The following NPHP3 variants were observed in gnomAD, a reference collection of about 807,000 sequenced individuals.
NPHP3 encodes the protein nephrocystin-3.
NPHP3 carries 123 observed loss-of-function variants against 171.9 expected under a neutral mutation model. The observed-to-expected ratio is 0.72, with a 90% CI of 0.62 to 0.83. The LOEUF (loss-of-function observed/expected upper bound fraction) is 0.83, where lower values mean the gene tolerates loss of function less well. Ranked by LOEUF, NPHP3 falls within the 40% of genes least tolerant of loss-of-function variation. The pLI, the probability that NPHP3 is intolerant of heterozygous loss-of-function variation, is 0.00. For missense variants in NPHP3, 1,506 were observed against 1,591.9 expected (o/e 0.95, Z 0.92); for synonymous variants, 558 against 579.2 (o/e 0.96, Z 0.52).
intron 17 of NPHP3, among the ~76,000 whole-genome samples, chr3:132,691,595 A>T: frequency 6.6e-6 from 1 of 152,274 alleles, no homozygotes; most frequent in Admixed American, 6.5e-5. Flanking sequence ...AATACACAAT[A>T]AAGAAAGGAA....
Position 132,713,123 on chromosome 3 carries a change from TAC to T in NPHP3, c.1118+1_1118+2del. 7.1e-7 allele frequency: 1 copy of T among 1,404,714 alleles called. No individual in the cohort carries two copies. Among genetic ancestry groups the T allele is most frequent in the Admixed American group, 1.9e-5 (1 of 51,372 alleles). The allele number at this position is 1,404,714 out of a possible 1,614,324, so 87.0% of individuals were successfully genotyped here. A position where few individuals can be genotyped will look rare whatever the true frequency, so the allele number is the denominator to read the frequency against. On this transcript the variant is annotated splice_donor_variant, in intron 6 of 26. Coordinates refer to ENST00000337331, the MANE Select transcript of NPHP3 (RefSeq NM_153240.5). LOFTEE classifies it high-confidence loss of function. ...TAATAAATTACATTTTTTTTCAGCT[TAC>T]CTTGGTAATGTTAAGTGAATAAATA...
chr3:132,701,560 T>C, intron 9 of NPHP3, 27 bp from the exon 10 acceptor site: 1 of 1,457,816 alleles, frequency 6.9e-7, no homozygotes, highest in African/African-American at 1.4e-5. Flanking sequence ...ATTTACATTG[T>C]AAGGAAGCAC....
In NPHP3 at chr3:132,682,755, C is replaced by G. The variant is rs745803931; in HGVS notation, c.3760G>C (p.Gly1254Arg). The G allele has an allele frequency of 6.2e-7, 1 of 1,613,702 alleles. No homozygotes were observed. The highest frequency in any genetic ancestry group is 1.1e-5 in the South Asian group (1 of 91,076). Residue 1254 changes from glycine (G) to arginine (R), a missense_variant, in exon 26 of 27, where the codon GGT (glycine) becomes CGT (arginine). Gly to Arg is a moderately radical substitution (Grantham distance 125). Coordinates refer to ENST00000337331, the MANE Select transcript of NPHP3 (RefSeq NM_153240.5). Reference sequence around the variant, plus strand: ...TCTCCAACTCGAGGATGCATCCGACCCAGGCTATCTTCATAAATCTTTAAT... The same window carrying G: ...TCTCCAACTCGAGGATGCATCCGACGCAGGCTATCTTCATAAATCTTTAAT... ...RALKIYEDSL[G>R]RMHPRVGETL... is the part of the protein sequence containing the mutation.
chr3:132,692,606 C>G, intron 17 of NPHP3, 48 bp downstream of exon 17: 1 of 1,542,970 alleles, frequency 6.5e-7, no homozygotes, highest in Non-Finnish European at 8.9e-7. Context: ...ACAGAGAAGA[C>G]CCTGTTTCTT....
At chr3:132,721,754 T>TCGTGC (rs1940227588) in intron 1 of NPHP3, 1 of 738,272 alleles carries the variant, frequency 1.4e-6, no homozygotes, top group African/African-American at 1.7e-5. Context: ...TGAGCCGCGA[T>TCGTGC]CGTGCCACCG....
intron 18 of NPHP3, 91 bp from the exon 19 acceptor site, chr3:132,690,741 T>C (rs756228453): frequency 2.0e-5 from 26 of 1,278,194 alleles, no homozygotes; most frequent in Non-Finnish European, 2.7e-5. Context: ...AAGAAAAATA[T>C]TTAACATATA....
chr3:132,682,897 G>C, intron 25 of NPHP3, 79 bp from the exon 26 acceptor site: 1 of 855,478 alleles, frequency 1.2e-6, no homozygotes. Context: ...AACCTACTTT[G>C]ATTAGTACTT....
intron 9 of NPHP3, among the ~76,000 whole-genome samples, chr3:132,702,668 C>T (rs2107984047): frequency 6.6e-6 from 1 of 152,264 alleles, no homozygotes; most frequent in East Asian, 1.9e-4. Context: ...TCTCCAGCAA[C>T]TATAATGAAT....
Position 132,712,730 on chromosome 3 carries a change from C to T in NPHP3, c.1118+396G>A, listed in dbSNP as rs187899798. Among the ~76,000 whole-genome samples the T allele has an allele frequency of 3.4e-3, 514 of 151,584 alleles. 4 individuals are homozygous for T. The highest frequency in any genetic ancestry group is 8.9e-3 in the African/African-American group (367 of 41,300). On this transcript the variant is annotated intron_variant, in intron 6 of 26. Coordinates refer to ENST00000337331, the MANE Select transcript of NPHP3 (RefSeq NM_153240.5). ...GCAGTGAGCCGAGATTGCGCCACTG[C>T]ACTCCAGCCTGGACGACAGAGCAAG...
rs11925789 is a variant in NPHP3, at chr3:132,701,744, T to C, written c.1525-211A>G. On this transcript the variant is annotated intron_variant, in intron 9 of 26. Transcript: ENST00000337331. ...AAACTAAGAATGGGCCTCAAATGGC[T>C]GGGCGCGGTGGCTCACGCCTGTAAT... Among the ~76,000 whole-genome samples, 1,185 of 152,278 alleles carry C rather than the reference T, an allele frequency of 7.8e-3. 9 individuals are homozygous for C. The highest frequency in any genetic ancestry group is 0.02 in the African/African-American group (832 of 41,566).
chr3:132,692,728 A>C lies in NPHP3; in HGVS notation c.2401T>G (p.Ser801Ala). ...ATTTTGTATAAACTGTGAATAAGGG[A>C]GGTCAAGAAAGTCCAGGACATCTCA... ...YPEMSWTFLTSLIHSLYKMCL... is the reference protein window; with the variant it reads ...YPEMSWTFLTALIHSLYKMCL... The change falls in exon 17 of 27, where the codon TCC becomes GCC. Residue 801 changes from serine to alanine, a missense_variant. Ser to Ala is a moderately conservative substitution (Grantham distance 99). Around this residue, in one of 3 missense-constraint regions of NPHP3, gnomAD observed 569 missense variants for 648.1 expected, o/e 0.88. Transcript: ENST00000337331. The C allele has an allele frequency of 6.2e-7, 1 of 1,613,956 alleles. No individual in the cohort carries two copies. The highest frequency in any genetic ancestry group is 1.1e-5 in the South Asian group (1 of 91,086).
At chr3:132,718,135 A>G (rs1234081916) in intron 3 of NPHP3, 1 of 445,624 alleles carries the variant, frequency 2.2e-6, no homozygotes, top group Non-Finnish European at 4.5e-6. Flanking sequence ...GAAAATTAAG[A>G]AGGAACTGTC....
Position 132,691,186 on chromosome 3 carries a change from C to T in NPHP3, c.2570+6G>A, listed in dbSNP as rs762144296. 6.2e-7 allele frequency: 1 copy of T among 1,603,842 alleles called. No homozygotes were observed. Among genetic ancestry groups the T allele is most frequent in the South Asian group, 1.1e-5 (1 of 90,878 alleles). On this transcript the variant is annotated splice_donor_region_variant and intron_variant, in intron 18 of 26. Coordinates refer to ENST00000337331, the MANE Select transcript of NPHP3 (RefSeq NM_153240.5). ...TACAGAAGAACAACAGGAACATTTA[C>T]AATACCTTAGCTGCAAGGTGAAATA...
At position 132,691,297 on chromosome 3, in the gene NPHP3, A is replaced by C; in HGVS notation, c.2476-11T>G. On this transcript the variant is annotated splice_polypyrimidine_tract_variant and intron_variant, in intron 17 of 26. Transcript: ENST00000337331. Reference sequence around the variant, plus strand: ...CACTGTTTCCCAAGCCTAGGGAGAAAAAGAAGAAATACTGAGTTCTATTTC... The same window carrying C: ...CACTGTTTCCCAAGCCTAGGGAGAACAAGAAGAAATACTGAGTTCTATTTC... The C allele has an allele frequency of 6.3e-7, 1 of 1,591,028 alleles. No individual in the cohort carries two copies. Among genetic ancestry groups the C allele is most frequent in the Non-Finnish European group, 8.6e-7 (1 of 1,159,194 alleles).
intron 7 of NPHP3, among the ~76,000 whole-genome samples, chr3:132,706,187 A>G (rs902906564): frequency 9.9e-5 from 15 of 152,078 alleles, no homozygotes; most frequent in South Asian, 4.2e-4. Flanking sequence ...GTGAAACCCC[A>G]TCTCTACTAA....
intron 16 of NPHP3, 104 bp downstream of exon 16, chr3:132,694,723 T>C: frequency 7.3e-7 from 1 of 1,371,882 alleles, no homozygotes; most frequent in South Asian, 1.2e-5. Flanking sequence ...TGCATATGCC[T>C]GAAACATATT....
At position 132,722,299 on chromosome 3, in the gene NPHP3, C is replaced by A. The variant is rs192633696; in HGVS notation, c.57G>T (p.Thr19=). 3.8e-6 allele frequency: 6 copies of A among 1,580,870 alleles called. No individual in the cohort carries two copies. The African/African-American group carries it at 8.3e-5, about 22-fold the overall frequency. ...SPAGGEVIED[T]YGAGGGEACE... The stretch of plus-strand genomic sequence containing the variant: ...AGGCCTCGCCGCCGCCCGCCCCGTA[C>A]GTGTCCTCGATCACTTCCCCGCCCG... The change falls in exon 1 of 27, where the codon ACG becomes ACT. Residue 19 remains threonine, a synonymous_variant. Coordinates refer to ENST00000337331, the MANE Select transcript of NPHP3 (RefSeq NM_153240.5).
At position 132,705,812 on chromosome 3, in the gene NPHP3, G is replaced by C. The variant is rs1939732623; in HGVS notation, c.1278C>G (p.Ile426Met). 2 of 1,485,274 alleles carry C rather than the reference G, an allele frequency of 1.3e-6. No individual in the cohort carries two copies. 92.0% of individuals were successfully genotyped at this position (1,485,274 alleles called of 1,614,324 possible). Residue 426 changes from isoleucine (I) to methionine (M), a missense_variant and splice_region_variant, in exon 8 of 27, where the codon ATC becomes ATG. This residue lies in a region of NPHP3 where 930 missense variants were observed against 924.9 expected (regional missense o/e 1.01). Transcript: ENST00000337331. ...CTGCAGGATCTCCTGAGTGATCAAT[G>C]ATCTAGATAAAAATCATTTAAGAAC... ...SNLNKTSKAK[I>M]IDHSGDPAEG...
chr3:132,687,140 T>C lies in NPHP3; in HGVS notation c.3201+11A>G, dbSNP rs1423098134. On this transcript the variant is annotated intron_variant, in intron 22 of 26. Coordinates refer to ENST00000337331, the MANE Select transcript of NPHP3 (RefSeq NM_153240.5). ...CGTTCAAAACACAACACAAAAGAAATCTCTCCTTACCAAGTTGCCTTTTTT... is the reference window on the plus strand; with the variant it reads ...CGTTCAAAACACAACACAAAAGAAACCTCTCCTTACCAAGTTGCCTTTTTT... The C allele has an allele frequency of 7.5e-7, 1 of 1,328,300 alleles. No individual in the cohort carries two copies. Among genetic ancestry groups the C allele is most frequent in the Admixed American group, 1.7e-5 (1 of 59,294 alleles). 82.3% of individuals were successfully genotyped at this position (1,328,300 alleles called of 1,614,324 possible). A position where few individuals can be genotyped will look rare whatever the true frequency, so the allele number is the denominator to read the frequency against.
Sources: gnomAD v4.1 joint callset for allele counts (sites outside exome capture counted in the v4.1 genomes callset) on GRCh38, gnomAD v4.1.1 for gene constraint, gnomAD v4.1.1 regional missense constraint, MANE v1.5 for transcripts, NCBI Gene and HGNC (gene_info 2026-07-23, HGNC 2026-07-21) for gene names.